DNAJC10: variants seen among roughly 807,000 people sequenced by gnomAD.
DNAJC10 encodes DnaJ heat shock protein family (Hsp40) member C10.
DNAJC10 carries 101 observed loss-of-function variants against 115.0 expected under a neutral mutation model. The observed-to-expected ratio is 0.88, with a 90% CI of 0.75 to 1.04. The LOEUF (loss-of-function observed/expected upper bound fraction) is 1.04, where lower values mean the gene tolerates loss of function less well. Among genes scored for constraint, DNAJC10 ranks in the 50% least tolerant of loss-of-function variants. The pLI is 0.00. For synonymous variants in DNAJC10, 307 were observed against 301.5 expected (o/e 1.02, Z -0.19); for missense variants, 981 against 928.8 (o/e 1.06, Z -0.73).
rs1694905255 is a variant in DNAJC10 at position 182,784,200 on chromosome 2, G to A, written c.*7068G>A. 3 of 152,004 alleles carry A rather than the reference G, an allele frequency of 2.0e-5. No homozygotes were observed. The South Asian group carries it at 6.2e-4, about 32-fold the overall frequency. 9.4% of individuals were successfully genotyped at this position (152,004 alleles called of 1,614,324 possible). A position where few individuals can be genotyped will look rare whatever the true frequency, so the allele number is the denominator to read the frequency against. ...AAACTAGCTGGGCATGGAGGTGTGT[G>A]CCTGTAATCATCTACCCTGGAGGCT... On this transcript the variant is annotated 3_prime_UTR_variant, in exon 24 of 24. Transcript: ENST00000264065.
At chr2:182,731,132 G>T in intron 9 of DNAJC10, 25 bp downstream of exon 9, 1 of 1,557,104 alleles carries the variant, frequency 6.4e-7, no homozygotes. Context: ...TAATTTTGTT[G>T]GAATGAGAAC....
At chr2:182,765,270 A>G (rs1413035007) in intron 22 of DNAJC10, among the ~76,000 whole-genome samples, 1 of 152,160 alleles carries the variant, frequency 6.6e-6, no homozygotes, top group African/African-American at 2.4e-5. Flanking sequence ...ATCAAGTAGT[A>G]ATTAAGTTTA....
At chr2:182,723,295 G>T (rs916967431) in intron 5 of DNAJC10, among the ~76,000 whole-genome samples, 1 of 151,800 alleles carries the variant, frequency 6.6e-6, no homozygotes, top group Non-Finnish European at 1.5e-5. Context: ...ATCCACCCAC[G>T]TTGGCCTCCC....
chr2:182,748,494 C>T (rs1281493567), intron 14 of DNAJC10, among the ~76,000 whole-genome samples: 1 of 152,188 alleles, frequency 6.6e-6, no homozygotes, highest in Non-Finnish European at 1.5e-5. Flanking sequence ...TCCATTTCTT[C>T]TAGATTTTCT....
chr2:182,729,008 T>G lies in DNAJC10; in HGVS notation c.633+14T>G, dbSNP rs751252486. 6.2e-6 allele frequency: 10 copies of G among 1,611,740 alleles called. No homozygotes were observed. The highest frequency in any genetic ancestry group is 2.7e-5 in the African/African-American group (2 of 74,776). ...CGGTCTGGAATGGTAAGGGATAAAG[T>G]TAGCATTTTTTAAATTTGTGAAACA... is the stretch of plus-strand genomic sequence containing the variant. On this transcript the variant is annotated intron_variant, in intron 7 of 23. Coordinates refer to ENST00000264065, the MANE Select transcript of DNAJC10 (RefSeq NM_018981.4).
At chr2:182,731,922 CA>C (rs1452316200) in intron 9 of DNAJC10, among the ~76,000 whole-genome samples, 4 of 152,144 alleles carry the variant, frequency 2.6e-5, no homozygotes, top group African/African-American at 9.7e-5. Flanking sequence ...CACACATGAA[CA>C]AAAGTTCTTA....
chr2:182,731,947 T>A (rs1693458167), intron 9 of DNAJC10, among the ~76,000 whole-genome samples: 1 of 152,162 alleles, frequency 6.6e-6, no homozygotes, highest in Non-Finnish European at 1.5e-5. Context: ...TCTCTGAGAT[T>A]CTTTTACTTC....
At chr2:182,744,746 C>G (rs1034595785) in intron 14 of DNAJC10, among the ~76,000 whole-genome samples, 1 of 152,136 alleles carries the variant, frequency 6.6e-6, no homozygotes, top group Non-Finnish European at 1.5e-5. Flanking sequence ...GTAACTTGCC[C>G]TATGACAGAC....
chr2:182,732,467 A>G (rs768303487), intron 9 of DNAJC10, 32 bp from the exon 10 acceptor site: 1 of 1,611,808 alleles, frequency 6.2e-7, no homozygotes, highest in Non-Finnish European at 8.5e-7. Flanking sequence ...TAATAAAGGT[A>G]AAACTGCCTC....
At chr2:182,765,371 G>A (rs752305819) in intron 22 of DNAJC10, among the ~76,000 whole-genome samples, 5 of 152,126 alleles carry the variant, frequency 3.3e-5, no homozygotes, top group African/African-American at 1.2e-4. Flanking sequence ...AGGCAGGTCA[G>A]CATCCCACCA....
At chr2:182,758,546 C>G (rs544829861) in intron 19 of DNAJC10, among the ~76,000 whole-genome samples, 1 of 152,228 alleles carries the variant, frequency 6.6e-6, no homozygotes, top group East Asian at 1.9e-4. Context: ...GATTCAGAAA[C>G]TAAAACCCTT....
intron 14 of DNAJC10, among the ~76,000 whole-genome samples, chr2:182,746,504 A>G (rs1190777895): frequency 6.6e-6 from 1 of 151,776 alleles, no homozygotes; most frequent in Non-Finnish European, 1.5e-5. Context: ...GCATTTTTTC[A>G]TTTGTTTTTT....
At position 182,780,768 on chromosome 2, in the gene DNAJC10, C is replaced by G. The variant is rs891705198; in HGVS notation, c.*3636C>G. 1 of 152,114 alleles carries G rather than the reference C, an allele frequency of 6.6e-6. No individual in the cohort carries two copies. The highest frequency in any genetic ancestry group is 1.5e-5 in the Non-Finnish European group (1 of 68,022). 9.4% of individuals were successfully genotyped at this position (152,114 alleles called of 1,614,324 possible). ...GCTAGGTATATTTTGTGAATGGAAACTAGCCAAAAATACAGCCAAAGTCTC... is the reference window on the plus strand; with the variant it reads ...GCTAGGTATATTTTGTGAATGGAAAGTAGCCAAAAATACAGCCAAAGTCTC... On this transcript the variant is annotated 3_prime_UTR_variant, in exon 24 of 24. Transcript: ENST00000264065.
chr2:182,728,751 A>C, intron 6 of DNAJC10, 93 bp downstream of exon 6: 1 of 1,503,326 alleles, frequency 6.7e-7, no homozygotes, highest in Non-Finnish European at 9.1e-7. Context: ...TAGTAATCAA[A>C]AATAATTATC....
Position 182,783,352 on chromosome 2 carries a change from A to G in DNAJC10, c.*6220A>G, listed in dbSNP as rs1015626677. The G allele has an allele frequency of 1.1e-4, 16 of 152,210 alleles. No homozygotes were observed. The allele number at this position is 152,210 out of a possible 1,614,324, so 9.4% of individuals were successfully genotyped here. On this transcript the variant is annotated 3_prime_UTR_variant, in exon 24 of 24. Coordinates refer to ENST00000264065, the MANE Select transcript of DNAJC10 (RefSeq NM_018981.4). ...GGTTCTGAAGCCAGTTAACTAGCAA[A>G]AAGTCCCACCTATGCATTGAAATAT...
chr2:182,730,542 G>A (rs1387953359), intron 8 of DNAJC10: 1 of 452,976 alleles, frequency 2.2e-6, no homozygotes, highest in Non-Finnish European at 4.4e-6. Flanking sequence ...AGAGCTTAAG[G>A]GAGCATAAGA....
At position 182,785,009 on chromosome 2, in the gene DNAJC10, ATCAG is replaced by A. The variant is rs1323540657; in HGVS notation, c.*7883_*7886del. On this transcript the variant is annotated 3_prime_UTR_variant, in exon 24 of 24. Transcript: ENST00000264065. Reference sequence around the variant, plus strand: ...GTTTTCACTAAAAATATCCTGAATTATCAGTCAGTTATGTTTGACTATGAGAAAT... The same window carrying A: ...GTTTTCACTAAAAATATCCTGAATTATCAGTTATGTTTGACTATGAGAAAT... 2 of 152,246 alleles carry A rather than the reference ATCAG, an allele frequency of 1.3e-5. No individual in the cohort carries two copies. The highest frequency in any genetic ancestry group is 4.8e-5 in the African/African-American group (2 of 41,476). 9.4% of individuals were successfully genotyped at this position (152,246 alleles called of 1,614,324 possible). A position where few individuals can be genotyped will look rare whatever the true frequency, so the allele number is the denominator to read the frequency against.
At chr2:182,746,561 G>A (rs1048052169) in intron 14 of DNAJC10, among the ~76,000 whole-genome samples, 19 of 152,160 alleles carry the variant, frequency 1.2e-4, no homozygotes, top group South Asian at 6.2e-4. Context: ...CATGTCCTTC[G>A]CCCACTTTTT....
intron 22 of DNAJC10, among the ~76,000 whole-genome samples, chr2:182,773,518 G>C (rs1002737918): frequency 5.9e-5 from 9 of 152,084 alleles, no homozygotes; most frequent in Non-Finnish European, 4.4e-5. Flanking sequence ...TGGAGGTTTT[G>C]TTCATTTCTT....
Sources: gnomAD v4.1 joint callset for allele counts (sites outside exome capture counted in the v4.1 genomes callset) on GRCh38, gnomAD v4.1.1 for gene constraint, MANE v1.5 for transcripts, NCBI Gene and HGNC (gene_info 2026-07-23, HGNC 2026-07-21) for gene names.